The following GRK6 variants were observed in gnomAD, a reference collection of about 807,000 sequenced individuals.
The protein encoded by GRK6 is G protein-coupled receptor kinase 6.
A neutral mutation model predicts 80.8 loss-of-function variants in GRK6; 37 were observed. The observed-to-expected ratio is 0.46, with a 90% CI of 0.35 to 0.60. The LOEUF (loss-of-function observed/expected upper bound fraction) is 0.60, where lower values mean the gene tolerates loss of function less well. GRK6 is among the 20% of genes least tolerant of loss of function. GRK6 has a pLI of 0.00. For missense variants in GRK6, 560 were observed against 784.6 expected (o/e 0.71, Z 3.42); for synonymous variants, 295 against 320.9 (o/e 0.92, Z 0.86).
In GRK6 at chr5:177,436,261, G is replaced by T. The variant is rs778973062; in HGVS notation, c.1246G>T (p.Ala416Ser). The T allele has an allele frequency of 7.4e-6, 12 of 1,614,018 alleles. No individual in the cohort carries two copies. In the Admixed American group the frequency reaches 2.0e-4, roughly 27 times the overall value. Residue 416 changes from alanine (A) to serine (S), a missense_variant, in exon 12 of 16, where the codon GCC becomes TCC. Transcript: ENST00000355472. ...EEYSERFSPQ[A>S]RSLCSQLLCK... The stretch of plus-strand genomic sequence containing the variant: ...GTATTCCGAGCGCTTTTCCCCGCAG[G>T]CCCGCTCACTTTGCTCACAGGTACG...
chr5:177,439,447 G>A (rs1764344632), intron 13 of GRK6, among the ~76,000 whole-genome samples: 1 of 151,876 alleles, frequency 6.6e-6, no homozygotes. Flanking sequence ...GGCTGAGGCA[G>A]GAGAATCGCT....
Position 177,426,754 on chromosome 5 carries a change from C to CGCCGA in GRK6, c.-87_-83dup. ...GGTCACTGCGAGCCGAGCCGAGCCG[C>CGCCGA]GCCGAGCCGCGCCGATCGCCATCCG... is the stretch of plus-strand genomic sequence containing the variant. On this transcript the variant is annotated 5_prime_UTR_variant, in exon 1 of 16. Coordinates refer to ENST00000355472, the MANE Select transcript of GRK6 (RefSeq NM_001004106.3). 4 of 681,290 alleles carry CGCCGA rather than the reference C, an allele frequency of 5.9e-6. No individual in the cohort carries two copies. The highest frequency in any genetic ancestry group is 7.2e-6 in the Non-Finnish European group (4 of 553,104). The allele number at this position is 681,290 out of a possible 1,614,324, so 42.2% of individuals were successfully genotyped here.
chr5:177,439,841 CAT>C (rs1764375881), intron 13 of GRK6: 2 of 152,412 alleles, frequency 1.3e-5, no homozygotes, highest in African/African-American at 2.4e-5. Flanking sequence ...CATGTTGTAG[CAT>C]AGATCAGTGC....
chr5:177,437,582 A>G (rs1426454514), intron 13 of GRK6, among the ~76,000 whole-genome samples: 1 of 152,012 alleles, frequency 6.6e-6, no homozygotes, highest in Non-Finnish European at 1.5e-5. Context: ...CAGAAAACCA[A>G]CCTAAACTCA....
chr5:177,440,643 T>C lies in GRK6; in HGVS notation c.1405-57T>C. 1.9e-5 allele frequency: 31 copies of C among 1,595,540 alleles called. No individual in the cohort carries two copies. The South Asian group carries it at 3.4e-4, about 18-fold the overall frequency. On this transcript the variant is annotated intron_variant, in intron 13 of 15. Transcript: ENST00000355472. ...ACCCGAGGCAGAATCAGGGCTGAGC[T>C]GCCTTCGCGTGTGCGTGTGTGTGTT...
chr5:177,426,726 C>A lies in GRK6; in HGVS notation c.-120C>A. Reference sequence around the variant, plus strand: ...GCCGGGGAGGCCGGGGAGGCCGCGGCGCGGTCACTGCGAGCCGAGCCGAGC... The same window carrying A: ...GCCGGGGAGGCCGGGGAGGCCGCGGAGCGGTCACTGCGAGCCGAGCCGAGC... On this transcript the variant is annotated 5_prime_UTR_variant, in exon 1 of 16. Transcript: ENST00000355472. The A allele has an allele frequency of 2.4e-6, 1 of 421,130 alleles. No homozygotes were observed. Among genetic ancestry groups the A allele is most frequent in the Non-Finnish European group, 3.2e-6 (1 of 316,372 alleles). The allele number at this position is 421,130 out of a possible 1,614,324, so 26.1% of individuals were successfully genotyped here.
rs781265239 is a variant in GRK6, at chr5:177,441,805, C to T, written c.*15C>T. The T allele has an allele frequency of 6.2e-7, 1 of 1,609,038 alleles. No homozygotes were observed. ...CCCGCCTCTAGCCCCCAGCCCGAGG[C>T]CCCCACCAGCAGTTGGCGGTAGCAG... On this transcript the variant is annotated 3_prime_UTR_variant, in exon 16 of 16. Coordinates refer to ENST00000355472, the MANE Select transcript of GRK6 (RefSeq NM_001004106.3).
At chr5:177,426,939 C>A in intron 1 of GRK6, 42 bp downstream of exon 1, 1 of 1,269,714 alleles carries the variant, frequency 7.9e-7, no homozygotes, top group South Asian at 2.2e-5. Flanking sequence ...GTGCGTGGAG[C>A]GCGAGTGCGC....
intron 9 of GRK6, 91 bp from the exon 10 acceptor site, chr5:177,434,811 G>GC: frequency 7.0e-7 from 1 of 1,435,744 alleles, no homozygotes; most frequent in Non-Finnish European, 9.8e-7. Flanking sequence ...TCCACACCTG[G>GC]CCCCCGGAGG....
intron 1 of GRK6, 32 bp from the exon 2 acceptor site, chr5:177,430,840 A>G (rs1312152264): frequency 1.9e-6 from 3 of 1,588,310 alleles, no homozygotes; most frequent in Non-Finnish European, 2.6e-6. Context: ...AGGCAGTGGG[A>G]CTCGAGACCC....
chr5:177,431,691 T>G, intron 2 of GRK6: 2 of 427,368 alleles, frequency 4.7e-6, no homozygotes, highest in South Asian at 4.4e-5. Context: ...CCAACCCCAG[T>G]ACCGTGACAT....
At chr5:177,441,101 G>T in intron 15 of GRK6, 48 bp downstream of exon 15, 2 of 1,602,180 alleles carry the variant, frequency 1.2e-6, no homozygotes, top group Non-Finnish European at 1.7e-6. Context: ...GGCTCCAGGG[G>T]ACGGTGGGTG....
chr5:177,435,996 G>GTGCAC, intron 11 of GRK6, 77 bp from the exon 12 acceptor site: 2 of 1,259,868 alleles, frequency 1.6e-6, no homozygotes, highest in Non-Finnish European at 2.3e-6. Flanking sequence ...CAGACCTAAC[G>GTGCAC]TGCACTGGCG....
chr5:177,435,861 G>A (rs1216231982), intron 11 of GRK6, among the ~76,000 whole-genome samples: 1 of 152,230 alleles, frequency 6.6e-6, no homozygotes, highest in Non-Finnish European at 1.5e-5. Flanking sequence ...GACTTCTTGT[G>A]TAAAATCTGA....
chr5:177,434,976 G>A, intron 10 of GRK6, 37 bp downstream of exon 10: 1 of 1,613,280 alleles, frequency 6.2e-7, no homozygotes, highest in East Asian at 2.2e-5. Context: ...AGGGTGGGGT[G>A]AGATGCAGAG....
intron 2 of GRK6, chr5:177,431,680 C>T (rs2127372010): frequency 1.1e-5 from 4 of 370,694 alleles, no homozygotes; most frequent in South Asian, 1.1e-4. Flanking sequence ...ACGGACCGCA[C>T]CCAACCCCAG....
chr5:177,432,615 C>A, intron 4 of GRK6, 91 bp from the exon 5 acceptor site: 1 of 912,456 alleles, frequency 1.1e-6, no homozygotes, highest in Non-Finnish European at 1.7e-6. Flanking sequence ...CCTCTCATGG[C>A]ACCAGCCCGA....
intron 15 of GRK6, 30 bp from the exon 16 acceptor site, chr5:177,441,707 C>G: frequency 2.6e-6 from 4 of 1,563,222 alleles, no homozygotes; most frequent in Non-Finnish European, 2.6e-6. Context: ...TGCCTCTCTC[C>G]CTCCCTCCGT....
chr5:177,441,606 C>T (rs531550666), intron 15 of GRK6, 131 bp from the exon 16 acceptor site: 75 of 809,626 alleles, frequency 9.3e-5, no homozygotes, highest in Non-Finnish European at 1.5e-4. Context: ...TGGAGAGGCC[C>T]CTCCCCAGAG....
Sources: allele counts gnomAD v4.1 joint callset (sites outside exome capture counted in the v4.1 genomes callset), GRCh38; gene constraint gnomAD v4.1.1; transcripts MANE v1.5; gene names NCBI Gene and HGNC (gene_info 2026-07-23, HGNC 2026-07-21).